The following ASIC2 variants were observed in gnomAD, a reference collection of about 807,000 sequenced individuals.
ASIC2 encodes acid-sensing ion channel 2.
Under a neutral mutation model 57.3 loss-of-function variants are expected in ASIC2, and 25 were observed. The ratio of observed to expected loss-of-function variants is 0.44; its 90% confidence interval spans 0.32 to 0.61. The LOEUF is 0.61. Among genes scored for constraint, ASIC2 ranks in the 20% least tolerant of loss-of-function variants. ASIC2 has a pLI of 0.06. For missense variants in ASIC2, 641 were observed against 738.1 expected (o/e 0.87, Z 1.52); for synonymous variants, 319 against 307.5 (o/e 1.04, Z -0.39).
intron 1 of ASIC2, among the ~76,000 whole-genome samples, chr17:33,365,723 A>T (rs1334843986): frequency 6.6e-6 from 1 of 152,230 alleles, no homozygotes; most frequent in Non-Finnish European, 1.5e-5. Context: ...TGACTTAAAA[A>T]AAAAACCTTA....
chr17:34,059,869 G>A (rs1908906806), intron 1 of ASIC2, among the ~76,000 whole-genome samples: 1 of 152,194 alleles, frequency 6.6e-6, no homozygotes, highest in African/African-American at 2.4e-5. Flanking sequence ...AGATCAGACA[G>A]GCCTAGCCAC....
At chr17:33,132,584 C>G (rs2092351376) in intron 1 of ASIC2, among the ~76,000 whole-genome samples, 1 of 152,192 alleles carries the variant, frequency 6.6e-6, no homozygotes, top group Admixed American at 6.5e-5. Context: ...CATGCATGCA[C>G]GTACATACAG....
chr17:34,106,207 A>T (rs1420199263), intron 1 of ASIC2, among the ~76,000 whole-genome samples: 1 of 152,182 alleles, frequency 6.6e-6, no homozygotes, highest in Non-Finnish European at 1.5e-5. Context: ...TCACAATTGG[A>T]GATACACAAT....
intron 1 of ASIC2, among the ~76,000 whole-genome samples, chr17:33,481,660 C>A (rs999300516): frequency 6.6e-6 from 1 of 152,210 alleles, no homozygotes; most frequent in Non-Finnish European, 1.5e-5. Flanking sequence ...TGATTCATTA[C>A]ACTTGCATTT....
chr17:33,032,440 GTTT>G (rs60183644), intron 3 of ASIC2, among the ~76,000 whole-genome samples: 48 of 94,112 alleles, frequency 5.1e-4, no homozygotes, highest in African/African-American at 2.2e-3. Context: ...ATAATACACT[GTTT>G]TTTTTTTTTT....
At chr17:33,831,921 C>A (rs1199252824) in intron 1 of ASIC2, among the ~76,000 whole-genome samples, 1 of 152,170 alleles carries the variant, frequency 6.6e-6, no homozygotes, top group Non-Finnish European at 1.5e-5. Context: ...GCAGATCAGC[C>A]CCCATGTCTC....
At chr17:34,120,603 C>T (rs1911581436) in intron 1 of ASIC2, among the ~76,000 whole-genome samples, 1 of 151,028 alleles carries the variant, frequency 6.6e-6, no homozygotes, top group African/African-American at 2.4e-5. Context: ...AGTGCTAAAT[C>T]GCAGTAACTC....
At chr17:33,809,457 T>C (rs938106593) in intron 1 of ASIC2, among the ~76,000 whole-genome samples, 2 of 152,228 alleles carry the variant, frequency 1.3e-5, no homozygotes, top group Non-Finnish European at 2.9e-5. Flanking sequence ...GATTGGATGA[T>C]TGATTGTGCC....
At chr17:33,125,535 C>G (rs185879269) in intron 1 of ASIC2, among the ~76,000 whole-genome samples, 1 of 152,280 alleles carries the variant, frequency 6.6e-6, no homozygotes, top group African/African-American at 2.4e-5. Flanking sequence ...ATCTAATGAG[C>G]AACTATTACA....
In ASIC2 at chr17:33,714,726, A is replaced by C. The variant is rs371797616; in HGVS notation, c.555+441252T>G. On this transcript the variant is annotated intron_variant, in intron 1 of 9. Coordinates refer to the ASIC2 transcript ENST00000359872. ...TCGACTTTGCCTGTTTCTCTTACTC[A>C]TATCTTTTTAGAAACCTAAAACAAA... 9.2e-4 allele frequency among the ~76,000 whole-genome samples: 140 copies of C among 151,816 alleles called. 2 individuals carry two copies. Among genetic ancestry groups the C allele is most frequent in the African/African-American group, 3.2e-3 (133 of 41,390 alleles).
intron 1 of ASIC2, among the ~76,000 whole-genome samples, chr17:33,558,421 A>G (rs1002974026): frequency 1.2e-4 from 18 of 152,172 alleles, no homozygotes; most frequent in African/African-American, 4.1e-4. Context: ...TTGAACTTTT[A>G]GAGATTTGGT....
chr17:33,301,188 C>A (rs1326700680), intron 1 of ASIC2, among the ~76,000 whole-genome samples: 1 of 150,990 alleles, frequency 6.6e-6, no homozygotes, highest in Non-Finnish European at 1.5e-5. Context: ...CACCACCATG[C>A]CTGGCTAATT....
At chr17:33,423,879 C>G (rs1209105114) in intron 1 of ASIC2, among the ~76,000 whole-genome samples, 1 of 152,198 alleles carries the variant, frequency 6.6e-6, no homozygotes, top group East Asian at 1.9e-4. Context: ...CAAGAAGGTT[C>G]AGGATGCTTA....
At chr17:33,296,160 T>A (rs1043290796), upstream of ASIC2, among the ~76,000 whole-genome samples, 10 of 152,218 alleles carry the variant, frequency 6.6e-5, no homozygotes, top group African/African-American at 2.4e-4. Flanking sequence ...GTAAGTGTTT[T>A]ACACTAAAAA....
chr17:33,328,918 T>A (rs1907190241), intron 1 of ASIC2, among the ~76,000 whole-genome samples: 1 of 152,196 alleles, frequency 6.6e-6, no homozygotes, highest in Non-Finnish European at 1.5e-5. Flanking sequence ...AATCTGAATG[T>A]TTTCAAACAC....
At chr17:33,345,262 C>T (rs532507447) in intron 1 of ASIC2, among the ~76,000 whole-genome samples, 6 of 152,160 alleles carry the variant, frequency 3.9e-5, no homozygotes, top group Non-Finnish European at 8.8e-5. Flanking sequence ...TTCTTTGGTG[C>T]ATTTCTCCAA....
chr17:33,295,428 C>G (rs1205679488), upstream of ASIC2, among the ~76,000 whole-genome samples: 1 of 152,210 alleles, frequency 6.6e-6, no homozygotes, highest in East Asian at 1.9e-4. Flanking sequence ...TCTTCTCTGA[C>G]CAGTTCTTTG....
intron 1 of ASIC2, among the ~76,000 whole-genome samples, chr17:33,331,505 C>A (rs1907310422): frequency 6.6e-6 from 1 of 152,144 alleles, no homozygotes; most frequent in East Asian, 1.9e-4. Flanking sequence ...GGGCTGCTGC[C>A]TCAGTTTCTT....
intron 1 of ASIC2, among the ~76,000 whole-genome samples, chr17:33,657,648 C>T (rs879364940): frequency 1.3e-4 from 19 of 151,020 alleles, no homozygotes; most frequent in African/African-American, 3.4e-4. Flanking sequence ...CAGTCTGCAA[C>T]GATTTTGGCA....
Sources: allele counts gnomAD v4.1 joint callset (sites outside exome capture counted in the v4.1 genomes callset), GRCh38; gene constraint gnomAD v4.1.1; transcripts MANE v1.5; gene names NCBI Gene and HGNC (gene_info 2026-07-23, HGNC 2026-07-21).